AOPEP: variants seen among roughly 807,000 people sequenced by gnomAD.
AOPEP encodes aminopeptidase O (putative).
AOPEP carries 77 observed loss-of-function variants against 98.1 expected under a neutral mutation model. The ratio of observed to expected loss-of-function variants is 0.78; its 90% CI spans 0.65 to 0.95. The LOEUF (loss-of-function observed/expected upper bound fraction) is 0.95, where lower values mean the gene tolerates loss of function less well. AOPEP is among the 40% of genes least tolerant of loss of function. AOPEP has a pLI of 0.00. For synonymous variants in AOPEP, 346 were observed against 365.3 expected (o/e 0.95, Z 0.60); for missense variants, 1,024 against 1,024.7 (o/e 1.00, Z 0.01).
chr9:94,974,751 C>T (rs567858619), intron 10 of AOPEP, among the ~76,000 whole-genome samples: 1 of 152,312 alleles, frequency 6.6e-6, no homozygotes, highest in South Asian at 2.1e-4. Context: ...CCCCTTCTGC[C>T]AGCTTGTCAG....
intron 4 of AOPEP, among the ~76,000 whole-genome samples, chr9:94,796,420 T>A (rs1846947519): frequency 6.6e-6 from 1 of 152,240 alleles, no homozygotes; most frequent in Admixed American, 6.5e-5. Context: ...CATGTCTGAC[T>A]GCATGCAAAG....
chr9:94,751,576 T>C (rs1026189766), intron 1 of AOPEP, among the ~76,000 whole-genome samples: 16 of 152,142 alleles, frequency 1.1e-4, no homozygotes, highest in African/African-American at 3.6e-4. Flanking sequence ...TATTTGTTGA[T>C]TGAGTGATAT....
At chr9:94,971,530 C>G (rs777414975) in intron 10 of AOPEP, among the ~76,000 whole-genome samples, 1 of 152,156 alleles carries the variant, frequency 6.6e-6, no homozygotes, top group East Asian at 1.9e-4. Context: ...ACCTACCCCC[C>G]GGAGCCTCTA....
intron 13 of AOPEP, among the ~76,000 whole-genome samples, chr9:95,016,338 G>A (rs2062995546): frequency 6.6e-6 from 1 of 151,326 alleles, no homozygotes; most frequent in Non-Finnish European, 1.5e-5. Context: ...AGCCTCCCGG[G>A]TTCAAGCCAT....
the AOPEP span, among the ~76,000 whole-genome samples, chr9:95,093,413 G>A: frequency 6.6e-6 from 1 of 152,320 alleles, no homozygotes; most frequent in African/African-American, 2.4e-5. Context: ...TACGGTGCAA[G>A]GATCAGAGAT....
the AOPEP span, among the ~76,000 whole-genome samples, chr9:95,138,802 T>C: frequency 1.3e-5 from 2 of 152,224 alleles, no homozygotes; most frequent in Non-Finnish European, 2.9e-5. Flanking sequence ...CGACCCATCC[T>C]GCTTAGCATA....
chr9:95,008,335 G>T (rs950982251), intron 13 of AOPEP, among the ~76,000 whole-genome samples: 11 of 152,286 alleles, frequency 7.2e-5, no homozygotes, highest in African/African-American at 2.6e-4. Context: ...ATAGGAGGGG[G>T]CAGCTTTTTT....
chr9:94,811,150 A>G (rs1043720540), intron 5 of AOPEP, among the ~76,000 whole-genome samples: 2 of 152,248 alleles, frequency 1.3e-5, no homozygotes, highest in African/African-American at 4.8e-5. Context: ...GTTTAAAACA[A>G]CAACAACAGA....
chr9:94,941,476 T>C (rs573414756), intron 7 of AOPEP, among the ~76,000 whole-genome samples: 27 of 152,350 alleles, frequency 1.8e-4, no homozygotes, highest in African/African-American at 6.5e-4. Context: ...GGGAGGATGC[T>C]ATACCTATGC....
At position 95,064,480 on chromosome 9, in the gene AOPEP, G is replaced by A. The variant is rs200127431; in HGVS notation, c.2232+3670G>A. 5.9e-5 allele frequency among the ~76,000 whole-genome samples: 9 copies of A among 152,240 alleles called. No homozygotes were observed. In the East Asian group the frequency reaches 7.8e-4, roughly 13 times the overall value. ...CAATTTTTTGTATTTTAATAGAGAC[G>A]GGGTTTCACCATCTTGGCCAGGCTG... On this transcript the variant is annotated intron_variant, in intron 14 of 16. Transcript: ENST00000375315.
intron 1 of AOPEP, among the ~76,000 whole-genome samples, chr9:94,755,549 A>G (rs111810260): frequency 2.2e-4 from 33 of 152,362 alleles, no homozygotes; most frequent in African/African-American, 7.0e-4. Context: ...GCTCTTCAGA[A>G]TCTTCTGGGG....
At chr9:94,943,919 CAAAAAA>C (rs775807087) in intron 7 of AOPEP, among the ~76,000 whole-genome samples, 1 of 17,396 alleles carries the variant, frequency 5.7e-5, no homozygotes, top group Non-Finnish European at 2.1e-4. Context: ...GACTCCATCT[CAAAAAA>C]AAAAAAAAAA....
intron 9 of AOPEP, among the ~76,000 whole-genome samples, chr9:94,959,323 G>A (rs1456740774): frequency 6.6e-6 from 1 of 152,154 alleles, no homozygotes; most frequent in Non-Finnish European, 1.5e-5. Flanking sequence ...GATTACAGGT[G>A]TGATGAATTA....
At chr9:95,075,569 A>G (rs2134142177) in intron 14 of AOPEP, among the ~76,000 whole-genome samples, 2 of 152,374 alleles carry the variant, frequency 1.3e-5, no homozygotes, top group Admixed American at 1.3e-4. Flanking sequence ...GACAGTTACT[A>G]GAAAGGATTT....
chr9:94,794,295 T>C (rs570487061), intron 4 of AOPEP, among the ~76,000 whole-genome samples: 5 of 152,316 alleles, frequency 3.3e-5, no homozygotes, highest in Admixed American at 2.6e-4. Context: ...CAGGATTTTA[T>C]ACCCGGCTCA....
intron 5 of AOPEP, among the ~76,000 whole-genome samples, chr9:94,822,541 A>G (rs1484308632): frequency 6.6e-6 from 1 of 151,982 alleles, no homozygotes; most frequent in East Asian, 1.9e-4. Context: ...TACCTTCCAG[A>G]TTTTTCTTTT....
intron 10 of AOPEP, among the ~76,000 whole-genome samples, chr9:94,969,649 T>C (rs1379906317): frequency 1.3e-5 from 2 of 152,156 alleles, no homozygotes; most frequent in African/African-American, 4.8e-5. Context: ...CCTCGTGATC[T>C]GCCCGCCTCG....
intron 13 of AOPEP, among the ~76,000 whole-genome samples, chr9:95,050,275 T>C (rs2066227952): frequency 6.6e-6 from 1 of 152,252 alleles, no homozygotes; most frequent in Non-Finnish European, 1.5e-5. Flanking sequence ...AAACATTTCT[T>C]GAAATCTGAG....
chr9:94,868,748 C>T (rs556627335), intron 5 of AOPEP, among the ~76,000 whole-genome samples: 3 of 152,262 alleles, frequency 2.0e-5, no homozygotes, highest in South Asian at 4.2e-4. Context: ...TGTTACCTTC[C>T]CTGATTTCAT....
Sources: gnomAD v4.1 joint callset for allele counts (sites outside exome capture counted in the v4.1 genomes callset) on GRCh38, gnomAD v4.1.1 for gene constraint, MANE v1.5 for transcripts, NCBI Gene and HGNC (gene_info 2026-07-23, HGNC 2026-07-21) for gene names.